UNC13C: variants seen among roughly 807,000 people sequenced by gnomAD.
The protein encoded by UNC13C is protein unc-13 homolog C.
UNC13C carries 174 observed loss-of-function variants against 245.4 expected under a neutral mutation model. That is an observed-to-expected ratio of 0.71 (90% CI 0.63 to 0.80). The LOEUF is 0.80. Among genes scored for constraint, UNC13C ranks in the 30% least tolerant of loss-of-function variants. The probability of loss-of-function intolerance (pLI) is 0.00; values close to 1 mark genes in which losing one functional copy is unlikely to be tolerated. For synonymous variants in UNC13C, 992 were observed against 895.1 expected (o/e 1.11, Z -1.93); for missense variants, 2,829 against 2,602.9 (o/e 1.09, Z -1.89).
At chr15:53,953,698 C>T in the UNC13C span, among the ~76,000 whole-genome samples, 1 of 152,316 alleles carries the variant, frequency 6.6e-6, no homozygotes, top group Non-Finnish European at 1.5e-5. Flanking sequence ...TATGCCAGCA[C>T]ATTAGATATT....
intron 13 of UNC13C, among the ~76,000 whole-genome samples, chr15:54,312,815 A>G (rs1207388997): frequency 2.0e-5 from 3 of 151,784 alleles, no homozygotes; most frequent in Non-Finnish European, 4.4e-5. Context: ...GTTTCTAGAA[A>G]TACCCTCCCA....
chr15:54,112,474 T>C (rs902584622), intron 2 of UNC13C, among the ~76,000 whole-genome samples: 2 of 152,204 alleles, frequency 1.3e-5, no homozygotes, highest in African/African-American at 2.4e-5. Flanking sequence ...TAATCTATTA[T>C]GCAAATGAGG....
At chr15:54,134,066 GT>G (rs1426539349) in intron 2 of UNC13C, among the ~76,000 whole-genome samples, 1 of 151,834 alleles carries the variant, frequency 6.6e-6, no homozygotes, top group African/African-American at 2.4e-5. Context: ...GTGTGTGTGT[GT>G]GTGTGTGGTG....
At chr15:53,843,618 A>C in the UNC13C span, among the ~76,000 whole-genome samples, 12 of 152,226 alleles carry the variant, frequency 7.9e-5, no homozygotes, top group South Asian at 2.5e-3. Flanking sequence ...AGGTCTGAAG[A>C]GGATACTATG....
intron 31 of UNC13C, among the ~76,000 whole-genome samples, chr15:54,622,945 C>G (rs999776046): frequency 2.0e-5 from 3 of 152,046 alleles, no homozygotes; most frequent in Non-Finnish European, 4.4e-5. Flanking sequence ...CCACTTTGAG[C>G]AAAACTAGGG....
intron 19 of UNC13C, among the ~76,000 whole-genome samples, chr15:54,459,668 A>C (rs900371027): frequency 6.6e-6 from 1 of 152,068 alleles, no homozygotes; most frequent in East Asian, 1.9e-4. Context: ...TCATTCTTCT[A>C]CTTGTTCAGT....
At chr15:54,516,668 TG>T (rs1894989750) in intron 24 of UNC13C, among the ~76,000 whole-genome samples, 1 of 151,900 alleles carries the variant, frequency 6.6e-6, no homozygotes. Context: ...GGCATGGTGG[TG>T]GGCGCCTGTA....
intron 19 of UNC13C, among the ~76,000 whole-genome samples, chr15:54,449,008 G>T (rs1323144290): frequency 1.3e-5 from 2 of 152,114 alleles, no homozygotes; most frequent in Non-Finnish European, 2.9e-5. Flanking sequence ...TGTCTGTAAA[G>T]GATTTTATTT....
Position 54,098,724 on chromosome 15 carries a change from A to G in UNC13C, c.2984-44294A>G, listed in dbSNP as rs559372791. On this transcript the variant is annotated intron_variant, in intron 2 of 32. Transcript: ENST00000260323. ...AATGTGTACTGTTGAACTTTTTACCATAGGTACACTTTAAAACATTTCACC... is the reference window on the plus strand; with the variant it reads ...AATGTGTACTGTTGAACTTTTTACCGTAGGTACACTTTAAAACATTTCACC... 3.9e-5 allele frequency among the ~76,000 whole-genome samples: 6 copies of G among 152,314 alleles called. No individual in the cohort carries two copies. In the East Asian group the frequency reaches 1.2e-3, roughly 29 times the overall value.
Position 54,013,464 on chromosome 15 carries a change from GAA to G in UNC13C, c.565_566del (p.Lys189GlufsTer23), listed in dbSNP as rs1566948725. ...GAGCTTTACGAAAACTGAGAAAATGGAAAAAGAGTCAAGAATGTGTCTCCTCA... is the reference window on the plus strand; with the variant it reads ...GAGCTTTACGAAAACTGAGAAAATGGAAAGAGTCAAGAATGTGTCTCCTCA... ...LGALRKLRKW[K>X]KSQECVSSDS... On this transcript the variant is annotated frameshift_variant, in exon 2 of 33. Transcript: ENST00000260323. LOFTEE classifies it high-confidence loss of function. 1 of 1,613,706 alleles carries G rather than the reference GAA, an allele frequency of 6.2e-7. No homozygotes were observed. Among genetic ancestry groups the G allele is most frequent in the African/African-American group, 1.3e-5 (1 of 74,990 alleles).
Position 54,627,045 on chromosome 15 carries a change from A to AGTGATGATGT in UNC13C, c.6579_6588dup (p.Ala2197Ter), listed in dbSNP as rs1247463635. 1.9e-6 allele frequency: 3 copies of AGTGATGATGT among 1,613,298 alleles called. No homozygotes were observed. The highest frequency in any genetic ancestry group is 2.5e-6 in the Non-Finnish European group (3 of 1,179,512). ...CCTTAGAATACTCTCTCAGAGGACC[A>AGTGATGATGT]GTGATGATGTGGCTAAAGAATTTGT... is the stretch of plus-strand genomic sequence containing the variant. On this transcript the variant is annotated frameshift_variant, in exon 33 of 33. Coordinates refer to ENST00000260323, the MANE Select transcript of UNC13C (RefSeq NM_001080534.3). LOFTEE classifies it high-confidence loss of function.
At chr15:54,304,907 T>C (rs960017392) in intron 13 of UNC13C, among the ~76,000 whole-genome samples, 2 of 152,040 alleles carry the variant, frequency 1.3e-5, no homozygotes, top group African/African-American at 2.4e-5. Flanking sequence ...TATTCATTAG[T>C]TATTAGAAAT....
At chr15:54,110,323 C>G (rs535698523) in intron 2 of UNC13C, among the ~76,000 whole-genome samples, 5 of 151,920 alleles carry the variant, frequency 3.3e-5, no homozygotes, top group African/African-American at 1.2e-4. Flanking sequence ...ACTTCTTAAC[C>G]TAATCTGGGA....
intron 2 of UNC13C, among the ~76,000 whole-genome samples, chr15:54,121,512 T>G (rs2030666477): frequency 1.3e-5 from 2 of 152,118 alleles, no homozygotes; most frequent in Non-Finnish European, 2.9e-5. Flanking sequence ...GTGTGTTTTG[T>G]GGCCCTCTGT....
chr15:54,001,793 A>G (rs979433197), intron 1 of UNC13C, among the ~76,000 whole-genome samples: 2 of 152,236 alleles, frequency 1.3e-5, no homozygotes, highest in Non-Finnish European at 2.9e-5. Flanking sequence ...GGGACACGGC[A>G]CAGCCATGAT....
chr15:54,264,079 T>G, intron 8 of UNC13C, 89 bp from the exon 9 acceptor site: 1 of 1,326,916 alleles, frequency 7.5e-7, no homozygotes, highest in Non-Finnish European at 1.1e-6. Flanking sequence ...ACTCATTCAT[T>G]CTCACTTCCT....
intron 10 of UNC13C, among the ~76,000 whole-genome samples, chr15:54,291,061 C>T (rs1390181617): frequency 1.3e-5 from 2 of 151,968 alleles, no homozygotes; most frequent in Non-Finnish European, 2.9e-5. Flanking sequence ...GTAGTTGTGT[C>T]TTTGTTTCTA....
Position 54,264,250 on chromosome 15 carries a change from C to G in UNC13C, c.3531C>G (p.Ile1177Met), listed in dbSNP as rs753628174. The G allele has an allele frequency of 1.9e-6, 3 of 1,598,070 alleles. No homozygotes were observed. The highest frequency in any genetic ancestry group is 2.6e-6 in the Non-Finnish European group (3 of 1,171,804). ...CAGCAATGAAAGAAAGAATGAAGAT[C>G]AGGGAGAAAAACCGGCCAGAAGTAT... ...IITAMKERMK[I>M]REKNRPEVFE... The change falls in exon 9 of 33, where the codon ATC (isoleucine) becomes ATG (methionine). Residue 1177 changes from isoleucine (I) to methionine (M), a missense_variant. Physicochemically the swap from Ile to Met is conservative, Grantham distance 10 (BLOSUM62 1). Coordinates refer to ENST00000260323, the MANE Select transcript of UNC13C (RefSeq NM_001080534.3).
chr15:53,888,479 T>A, the UNC13C span, among the ~76,000 whole-genome samples: 2,163 of 152,268 alleles, frequency 0.014, 23 homozygotes, highest in Admixed American at 0.024. Context: ...ATTGCAAAAA[T>A]TTTCTCCCCT....
Sources: allele counts gnomAD v4.1 joint callset (sites outside exome capture counted in the v4.1 genomes callset), GRCh38; gene constraint gnomAD v4.1.1; transcripts MANE v1.5; gene names NCBI Gene and HGNC (gene_info 2026-07-23, HGNC 2026-07-21).